CADM2: variants seen among roughly 807,000 people sequenced by gnomAD.
The protein encoded by CADM2 is cell adhesion molecule 2.
CADM2 carries 12 observed loss-of-function variants against 49.8 expected under a neutral mutation model. The ratio of observed to expected loss-of-function variants is 0.24; its 90% CI spans 0.15 to 0.39. The LOEUF (loss-of-function observed/expected upper bound fraction) is 0.39. CADM2 is among the 10% of genes least tolerant of loss of function. CADM2 has a pLI of 1.00. For missense variants in CADM2, 378 were observed against 492.3 expected (o/e 0.77, Z 2.20); for synonymous variants, 214 against 175.4 (o/e 1.22, Z -1.74).
At chr3:85,180,788 G>C (rs565193965) in intron 1 of CADM2, among the ~76,000 whole-genome samples, 65 of 152,092 alleles carry the variant, frequency 4.3e-4, no homozygotes, top group Non-Finnish European at 6.5e-4. Flanking sequence ...TACATTTCTG[G>C]AATATAAAGC....
chr3:85,152,117 TACC>T (rs976362108), intron 1 of CADM2, among the ~76,000 whole-genome samples: 10 of 152,192 alleles, frequency 6.6e-5, no homozygotes, highest in Non-Finnish European at 1.0e-4. Flanking sequence ...AAAGAGAGAC[TACC>T]CAGGGACCAT....
At chr3:85,010,815 T>A (rs149188412) in intron 1 of CADM2, among the ~76,000 whole-genome samples, 1 of 148,976 alleles carries the variant, frequency 6.7e-6, no homozygotes, top group Non-Finnish European at 1.5e-5. Flanking sequence ...TCACCAAACA[T>A]TTTTCTTTAA....
At chr3:85,038,283 C>T (rs1443126742) in intron 1 of CADM2, among the ~76,000 whole-genome samples, 1 of 152,148 alleles carries the variant, frequency 6.6e-6, no homozygotes, top group African/African-American at 2.4e-5. Flanking sequence ...GTAAAGGACA[C>T]TTATGCATAC....
intron 1 of CADM2, among the ~76,000 whole-genome samples, chr3:85,135,810 G>A (rs1367021802): frequency 3.3e-5 from 5 of 151,942 alleles, no homozygotes; most frequent in Non-Finnish European, 7.4e-5. Flanking sequence ...TTCATCAGTA[G>A]TGAACAAATA....
chr3:85,796,109 G>A (rs1046823325), intron 2 of CADM2, among the ~76,000 whole-genome samples: 1 of 152,166 alleles, frequency 6.6e-6, no homozygotes, highest in Non-Finnish European at 1.5e-5. Context: ...TCTTATTTAT[G>A]TACTGGTTGA....
intron 2 of CADM2, among the ~76,000 whole-genome samples, chr3:85,788,077 C>T (rs1307000701): frequency 6.6e-6 from 1 of 151,984 alleles, no homozygotes; most frequent in African/African-American, 2.4e-5. Flanking sequence ...TTTTGTTTTA[C>T]TTTCCTTAGG....
At chr3:85,891,795 A>T (rs1714466906) in intron 5 of CADM2, among the ~76,000 whole-genome samples, 1 of 152,190 alleles carries the variant, frequency 6.6e-6, no homozygotes, top group African/African-American at 2.4e-5. Flanking sequence ...TAATTTACTA[A>T]CAATCAGAGA....
At chr3:85,448,345 A>T (rs1458606413) in intron 1 of CADM2, among the ~76,000 whole-genome samples, 1 of 151,934 alleles carries the variant, frequency 6.6e-6, no homozygotes, top group Non-Finnish European at 1.5e-5. Context: ...AAAAAAAAAA[A>T]AAAAAAAAAA....
intron 1 of CADM2, among the ~76,000 whole-genome samples, chr3:85,551,799 A>G (rs2061809153): frequency 6.6e-6 from 1 of 152,176 alleles, no homozygotes; most frequent in African/African-American, 2.4e-5. Flanking sequence ...TGGGTATATA[A>G]TTTCATAGAA....
intron 1 of CADM2, among the ~76,000 whole-genome samples, chr3:85,327,215 A>G (rs1482364991): frequency 2.0e-5 from 3 of 152,038 alleles, no homozygotes; most frequent in Admixed American, 2.0e-4. Flanking sequence ...CTCTTTATCT[A>G]TATAAATATG....
At chr3:85,893,459 C>T (rs1170848704) in intron 5 of CADM2, among the ~76,000 whole-genome samples, 2 of 152,116 alleles carry the variant, frequency 1.3e-5, no homozygotes, top group African/African-American at 4.8e-5. Context: ...GTCTAAAACA[C>T]GAAAAGCAAT....
intron 2 of CADM2, among the ~76,000 whole-genome samples, chr3:85,757,452 C>A (rs1229217666): frequency 6.6e-6 from 1 of 151,758 alleles, no homozygotes; most frequent in Non-Finnish European, 1.5e-5. Context: ...AACCTGGTCA[C>A]AGAAATAGAC....
intron 1 of CADM2, among the ~76,000 whole-genome samples, chr3:85,392,549 C>T (rs1206897086): frequency 1.3e-5 from 2 of 152,164 alleles, no homozygotes; most frequent in East Asian, 1.9e-4. Flanking sequence ...GCAGAACATA[C>T]ATCCTCCTAA....
chr3:85,996,790 A>T (rs1729483750), intron 8 of CADM2, among the ~76,000 whole-genome samples: 1 of 152,158 alleles, frequency 6.6e-6, no homozygotes, highest in Non-Finnish European at 1.5e-5. Flanking sequence ...TAATCTGAGA[A>T]GACAGTTATT....
At chr3:85,416,032 A>G (rs1329351186) in intron 1 of CADM2, among the ~76,000 whole-genome samples, 2 of 152,150 alleles carry the variant, frequency 1.3e-5, no homozygotes, top group Non-Finnish European at 2.9e-5. Context: ...ACAGATGATC[A>G]TAAAAAATAT....
At chr3:85,751,283 G>A (rs1046485478) in intron 2 of CADM2, among the ~76,000 whole-genome samples, 11 of 152,078 alleles carry the variant, frequency 7.2e-5, no homozygotes, top group African/African-American at 2.7e-4. Context: ...AAGCAAACCA[G>A]TTGTAGGTTG....
intron 7 of CADM2, among the ~76,000 whole-genome samples, chr3:85,948,046 T>C (rs564266872): frequency 1.8e-4 from 28 of 151,698 alleles, no homozygotes; most frequent in African/African-American, 6.5e-4. Context: ...GTTTAGTAGA[T>C]TTTTCAGACA....
chr3:85,064,568 G>A (rs1488599807), intron 1 of CADM2, among the ~76,000 whole-genome samples: 1 of 152,006 alleles, frequency 6.6e-6, no homozygotes, highest in Non-Finnish European at 1.5e-5. Context: ...TGTGATCATA[G>A]TCACTATTTT....
chr3:85,365,612 C>T (rs1274880251), intron 1 of CADM2, among the ~76,000 whole-genome samples: 1 of 152,028 alleles, frequency 6.6e-6, no homozygotes, highest in Non-Finnish European at 1.5e-5. Flanking sequence ...TGACAAGCCT[C>T]TGTGTTGTTT....
Sources: allele counts gnomAD v4.1 joint callset (sites outside exome capture counted in the v4.1 genomes callset), GRCh38; gene constraint gnomAD v4.1.1; transcripts MANE v1.5; gene names NCBI Gene and HGNC (gene_info 2026-07-23, HGNC 2026-07-21).